The following PTPRD variants were observed in gnomAD, a reference collection of about 807,000 sequenced individuals.
PTPRD encodes protein tyrosine phosphatase receptor type D.
In PTPRD, 34 loss-of-function variants were observed where a neutral mutation model predicts 214.5. That is an observed-to-expected ratio of 0.16 (90% CI 0.12 to 0.21). The LOEUF is 0.21. PTPRD is among the 10% of genes least tolerant of loss of function. The probability of loss-of-function intolerance (pLI) is 1.00; values close to 1 mark genes in which losing one functional copy is unlikely to be tolerated. For missense variants in PTPRD, 2,545 were observed against 2,398.7 expected (o/e 1.06, Z -1.27); for synonymous variants, 1,128 against 845.7 (o/e 1.33, Z -5.79).
chr9:10,141,409 G>C (rs926184474), intron 3 of PTPRD, among the ~76,000 whole-genome samples: 11 of 152,008 alleles, frequency 7.2e-5, no homozygotes, highest in African/African-American at 2.2e-4. Context: ...AAAGTCTCAG[G>C]ATACAAAATC....
chr9:10,382,907 G>C (rs1020604565), intron 2 of PTPRD, among the ~76,000 whole-genome samples: 23 of 151,762 alleles, frequency 1.5e-4, no homozygotes, highest in African/African-American at 5.3e-4. Flanking sequence ...GTGGAAGTGT[G>C]GTGTAGAGTG....
At chr9:10,129,294 C>A (rs2098841434) in intron 3 of PTPRD, among the ~76,000 whole-genome samples, 1 of 152,070 alleles carries the variant, frequency 6.6e-6, no homozygotes, top group South Asian at 2.1e-4. Flanking sequence ...TACGGATTTT[C>A]AAGAGCACTT....
chr9:8,598,881 T>G (rs1327789163), intron 14 of PTPRD, among the ~76,000 whole-genome samples: 2 of 152,152 alleles, frequency 1.3e-5, no homozygotes, highest in Non-Finnish European at 2.9e-5. Context: ...AGAAGCAAAA[T>G]AGCAAAAGAT....
At chr9:9,343,118 C>T (rs2047459826) in intron 9 of PTPRD, among the ~76,000 whole-genome samples, 2 of 152,158 alleles carry the variant, frequency 1.3e-5, no homozygotes, top group Admixed American at 1.3e-4. Context: ...ACATTTTCTT[C>T]ATCCAGTCTA....
chr9:9,852,502 A>T (rs1221197478), intron 5 of PTPRD, among the ~76,000 whole-genome samples: 1 of 152,126 alleles, frequency 6.6e-6, no homozygotes, highest in Non-Finnish European at 1.5e-5. Context: ...GAAAATAATT[A>T]AAAGGTAAAG....
chr9:10,356,447 G>A (rs1306314415), intron 2 of PTPRD, among the ~76,000 whole-genome samples: 3 of 151,940 alleles, frequency 2.0e-5, no homozygotes, highest in Admixed American at 6.6e-5. Flanking sequence ...TGTTCTGTAG[G>A]GTTGTATACT....
intron 10 of PTPRD, among the ~76,000 whole-genome samples, chr9:9,031,804 T>C (rs1292739433): frequency 2.0e-5 from 3 of 151,870 alleles, no homozygotes; most frequent in African/African-American, 4.8e-5. Flanking sequence ...GAACAAAAAA[T>C]GCCTCATAGG....
chr9:8,581,194 A>AT (rs896229444), intron 14 of PTPRD, among the ~76,000 whole-genome samples: 3 of 151,486 alleles, frequency 2.0e-5, no homozygotes, highest in African/African-American at 7.3e-5. Flanking sequence ...GGAATATATT[A>AT]TAAAAAAAAA....
chr9:9,490,603 G>C (rs527683888), intron 8 of PTPRD, among the ~76,000 whole-genome samples: 1 of 152,038 alleles, frequency 6.6e-6, no homozygotes, highest in Admixed American at 6.6e-5. Flanking sequence ...TGGGGACATA[G>C]CTTTTAAAGG....
intron 8 of PTPRD, among the ~76,000 whole-genome samples, chr9:9,417,510 C>T (rs1259716487): frequency 1.3e-5 from 2 of 151,946 alleles, no homozygotes; most frequent in Admixed American, 6.6e-5. Flanking sequence ...GCTTTGATGC[C>T]TCCAATTCTA....
At position 9,757,745 on chromosome 9, in the gene PTPRD, T is replaced by C. The variant is rs992486807; in HGVS notation, c.-326+9065A>G. Reference sequence around the variant, plus strand: ...TCTCATATAAATATAAGAAAGGATATGCCTATCTTATAAAATCTTCATCAT... The same window carrying C: ...TCTCATATAAATATAAGAAAGGATACGCCTATCTTATAAAATCTTCATCAT... On this transcript the variant is annotated intron_variant, in intron 6 of 45. Coordinates refer to ENST00000381196, the MANE Select transcript of PTPRD (RefSeq NM_002839.4). 2.0e-5 allele frequency among the ~76,000 whole-genome samples: 3 copies of C among 152,262 alleles called. No homozygotes were observed. The South Asian group carries it at 6.2e-4, about 32-fold the overall frequency.
intron 21 of PTPRD, among the ~76,000 whole-genome samples, chr9:8,510,277 G>A (rs1166550169): frequency 6.6e-6 from 1 of 152,120 alleles, no homozygotes; most frequent in Admixed American, 6.6e-5. Flanking sequence ...GGATGACAGA[G>A]TGAGACCCTG....
At chr9:10,133,262 T>C (rs2098915239) in intron 3 of PTPRD, among the ~76,000 whole-genome samples, 2 of 152,000 alleles carry the variant, frequency 1.3e-5, no homozygotes, top group Admixed American at 1.3e-4. Flanking sequence ...TCACAGATAC[T>C]GAAGAGACTA....
chr9:9,355,719 G>A (rs1199271966), intron 9 of PTPRD, among the ~76,000 whole-genome samples: 1 of 151,504 alleles, frequency 6.6e-6, no homozygotes, highest in Non-Finnish European at 1.5e-5. Context: ...GAAGGTGTTT[G>A]AAAGCCATGG....
At chr9:9,910,617 A>C (rs2078922924) in intron 5 of PTPRD, among the ~76,000 whole-genome samples, 1 of 151,934 alleles carries the variant, frequency 6.6e-6, no homozygotes, top group Non-Finnish European at 1.5e-5. Flanking sequence ...ATTTATATTT[A>C]ATTGCTTGTG....
intron 12 of PTPRD, among the ~76,000 whole-genome samples, chr9:8,664,394 T>C (rs1035759674): frequency 5.9e-5 from 9 of 152,142 alleles, no homozygotes; most frequent in African/African-American, 1.4e-4. Context: ...AGTGTGTAGA[T>C]GCTGCCAATC....
At chr9:10,031,375 C>T (rs149721231) in intron 4 of PTPRD, among the ~76,000 whole-genome samples, 1 of 151,564 alleles carries the variant, frequency 6.6e-6, no homozygotes, top group Non-Finnish European at 1.5e-5. Flanking sequence ...GCAGACCCAC[C>T]CTTAATCTGG....
chr9:8,463,543 T>C (rs1044081219), intron 32 of PTPRD, among the ~76,000 whole-genome samples: 1 of 151,902 alleles, frequency 6.6e-6, no homozygotes, highest in African/African-American at 2.4e-5. Flanking sequence ...CACGGTCCAT[T>C]GAGATGGAAG....
chr9:10,121,579 C>T (rs1386826389), intron 3 of PTPRD, among the ~76,000 whole-genome samples: 3 of 152,098 alleles, frequency 2.0e-5, no homozygotes, highest in Admixed American at 6.6e-5. Flanking sequence ...CAATTGATGG[C>T]ATCGTTAAGA....
Sources: gnomAD v4.1 joint callset for allele counts (sites outside exome capture counted in the v4.1 genomes callset) on GRCh38, gnomAD v4.1.1 for gene constraint, MANE v1.5 for transcripts, NCBI Gene and HGNC (gene_info 2026-07-23, HGNC 2026-07-21) for gene names.